Variants in ENOX1 observed in about 807,000 individuals in gnomAD.
ENOX1 encodes the protein ecto-NOX disulfide-thiol exchanger 1, also known as candidate growth-related and time keeping constitutive hydroquinone (NADH) oxidase.
ENOX1 carries 42 observed loss-of-function variants against 82.5 expected under a neutral mutation model. The ratio of observed to expected loss-of-function variants is 0.51; its 90% confidence interval spans 0.40 to 0.66. The LOEUF is 0.66. Among genes scored for constraint, ENOX1 ranks in the 30% least tolerant of loss-of-function variants. ENOX1 has a pLI of 0.00. For synonymous variants in ENOX1, 271 were observed against 282.2 expected (o/e 0.96, Z 0.40); for missense variants, 608 against 811.6 (o/e 0.75, Z 3.05).
At chr13:43,550,246 C>T (rs2079136437) in intron 2 of ENOX1, among the ~76,000 whole-genome samples, 1 of 152,128 alleles carries the variant, frequency 6.6e-6, no homozygotes, top group African/African-American at 2.4e-5. Flanking sequence ...GGGACCCCTG[C>T]TCTAGGGTGC....
At chr13:43,668,764 C>T (rs1001884021) in intron 1 of ENOX1, among the ~76,000 whole-genome samples, 5 of 152,136 alleles carry the variant, frequency 3.3e-5, no homozygotes, top group Non-Finnish European at 7.3e-5. Context: ...TAGAAAGTAC[C>T]TGACCCAGGT....
intron 2 of ENOX1, among the ~76,000 whole-genome samples, chr13:43,487,082 G>C (rs758200192): frequency 4.0e-5 from 6 of 151,862 alleles, no homozygotes; most frequent in Non-Finnish European, 5.9e-5. Context: ...GAGGCAGGGA[G>C]AATTGCTTGA....
chr13:43,272,908 C>T (rs893268395), intron 12 of ENOX1, among the ~76,000 whole-genome samples: 1 of 152,186 alleles, frequency 6.6e-6, no homozygotes, highest in Non-Finnish European at 1.5e-5. Context: ...GTACTCTACT[C>T]AGACTGTTCT....
intron 1 of ENOX1, among the ~76,000 whole-genome samples, chr13:43,719,348 C>CACACACACACACACACACACACACA (rs2088400320): frequency 6.7e-6 from 1 of 149,256 alleles, no homozygotes; most frequent in Non-Finnish European, 1.5e-5. Flanking sequence ...CACACACACA[C>CACACACACACACACACACACACACA]CAGCAATCGC....
At chr13:43,516,277 A>G (rs927624624) in intron 2 of ENOX1, among the ~76,000 whole-genome samples, 1 of 152,212 alleles carries the variant, frequency 6.6e-6, no homozygotes, top group African/African-American at 2.4e-5. Flanking sequence ...AGATCAATCC[A>G]GTATCAGATA....
At chr13:43,397,086 C>T (rs1374611525) in intron 5 of ENOX1, among the ~76,000 whole-genome samples, 2 of 152,230 alleles carry the variant, frequency 1.3e-5, no homozygotes, top group South Asian at 2.1e-4. Flanking sequence ...GCACACTGGG[C>T]TCTTCTGGTG....
chr13:43,530,610 A>G (rs941121488), intron 2 of ENOX1, among the ~76,000 whole-genome samples: 12 of 152,176 alleles, frequency 7.9e-5, no homozygotes, highest in African/African-American at 2.4e-4. Context: ...AATGATCAAA[A>G]GTTAACAGAT....
At chr13:43,272,378 TAAA>T (rs1343264532) in intron 12 of ENOX1, among the ~76,000 whole-genome samples, 3 of 152,140 alleles carry the variant, frequency 2.0e-5, no homozygotes, top group Non-Finnish European at 2.9e-5. Flanking sequence ...AACTCTTAGG[TAAA>T]AGAGTGAATT....
intron 2 of ENOX1, among the ~76,000 whole-genome samples, chr13:43,593,493 G>C (rs61961665): frequency 8.0e-6 from 1 of 125,404 alleles, no homozygotes; most frequent in Non-Finnish European, 1.5e-5. Context: ...ACAAAACAAA[G>C]AAGCCCTTCG....
At chr13:43,413,146 T>C (rs1289258683) in intron 3 of ENOX1, among the ~76,000 whole-genome samples, 158 bp from the exon 4 acceptor site, 2 of 152,190 alleles carry the variant, frequency 1.3e-5, no homozygotes, top group East Asian at 3.9e-4. Flanking sequence ...GCGGCTGTCT[T>C]GTGGCTCAGT....
intron 2 of ENOX1, among the ~76,000 whole-genome samples, chr13:43,529,452 A>T (rs2078119136): frequency 6.6e-6 from 1 of 152,094 alleles, no homozygotes; most frequent in Non-Finnish European, 1.5e-5. Flanking sequence ...AGTTCTTAAT[A>T]TGGAAAGAAA....
rs181918506 is a variant in ENOX1, at chr13:43,502,977, C to T, written c.-218-18825G>A. On this transcript the variant is annotated intron_variant, in intron 2 of 16. Transcript: ENST00000690772. ...TTATATACAGAAAACTCTAAGAAGT[C>T]CATACACACAGAAAGTGTTATAAAT... 2.9e-3 allele frequency among the ~76,000 whole-genome samples: 446 copies of T among 151,528 alleles called. 4 individuals are homozygous for T. Among genetic ancestry groups the T allele is most frequent in the African/African-American group, 0.01 (431 of 41,414 alleles).
intron 5 of ENOX1, among the ~76,000 whole-genome samples, chr13:43,405,616 T>C (rs2053748092): frequency 7.0e-6 from 1 of 143,078 alleles, no homozygotes; most frequent in South Asian, 2.4e-4. Flanking sequence ...CTGTTGATTC[T>C]TCACTCTCCT....
chr13:43,765,115 T>C (rs77427342), intron 1 of ENOX1, among the ~76,000 whole-genome samples: 2,335 of 152,318 alleles, frequency 0.015, 20 homozygotes, highest in Middle Eastern at 0.024. Context: ...CTTAAATGGA[T>C]AACCTTGTCA....
At chr13:43,252,307 T>G (rs987370788) in intron 14 of ENOX1, among the ~76,000 whole-genome samples, 1 of 152,056 alleles carries the variant, frequency 6.6e-6, no homozygotes, top group Non-Finnish European at 1.5e-5. Flanking sequence ...GAAAAAAAAA[T>G]TAATAGATTT....
chr13:43,782,517 A>C (rs76390995), intron 1 of ENOX1, among the ~76,000 whole-genome samples: 3,199 of 152,262 alleles, frequency 0.021, 115 homozygotes, highest in African/African-American at 0.072. Context: ...ACATGCTGTA[A>C]ATCCATTTAT....
At chr13:43,766,404 T>C (rs985104820) in intron 1 of ENOX1, among the ~76,000 whole-genome samples, 1 of 152,210 alleles carries the variant, frequency 6.6e-6, no homozygotes, top group African/African-American at 2.4e-5. Context: ...GAAAGAATTA[T>C]CTTATTTGAT....
chr13:43,285,312 G>C (rs549412777), intron 12 of ENOX1, among the ~76,000 whole-genome samples: 2 of 152,230 alleles, frequency 1.3e-5, no homozygotes, highest in South Asian at 4.2e-4. Flanking sequence ...TATATATATG[G>C]AGAAAAAGAC....
At chr13:43,240,099 C>T (rs950867658) in intron 14 of ENOX1, among the ~76,000 whole-genome samples, 2 of 152,072 alleles carry the variant, frequency 1.3e-5, no homozygotes, top group African/African-American at 4.8e-5. Flanking sequence ...TTGGTTAAGG[C>T]GAAGGGAATA....
Sources: allele counts gnomAD v4.1 joint callset (sites outside exome capture counted in the v4.1 genomes callset), GRCh38; gene constraint gnomAD v4.1.1; transcripts MANE v1.5; gene names NCBI Gene and HGNC (gene_info 2026-07-23, HGNC 2026-07-21).